SYN2: variants seen among roughly 807,000 people sequenced by gnomAD.
The protein encoded by SYN2 is synapsin-2.
SYN2 carries 19 observed loss-of-function variants against 50.9 expected under a neutral mutation model. The observed-to-expected ratio is 0.37, with a 90% CI of 0.26 to 0.55. SYN2 has a LOEUF of 0.55. Among genes scored for constraint, SYN2 ranks in the 20% least tolerant of loss-of-function variants. The pLI is 0.81. For synonymous variants in SYN2, 255 were observed against 224.9 expected, an observed-to-expected ratio of 1.13 and a Z score of -1.20; for missense variants, 587 against 576.4, an observed-to-expected ratio of 1.02 and a Z score of -0.19.
At chr3:12,103,129 G>A (rs561775014) in intron 1 of SYN2, among the ~76,000 whole-genome samples, 2 of 152,150 alleles carry the variant, frequency 1.3e-5, no homozygotes, top group African/African-American at 2.4e-5. Context: ...GAGAAGTTCT[G>A]TGAACTTCTA....
At chr3:12,053,782 A>G (rs1694925041) in intron 1 of SYN2, among the ~76,000 whole-genome samples, 1 of 152,204 alleles carries the variant, frequency 6.6e-6, no homozygotes, top group African/African-American at 2.4e-5. Flanking sequence ...TGCCTCAAGT[A>G]ATTAACTTAA....
intron 1 of SYN2, among the ~76,000 whole-genome samples, chr3:12,051,942 T>G (rs1464321122): frequency 6.6e-6 from 1 of 152,230 alleles, no homozygotes; most frequent in African/African-American, 2.4e-5. Flanking sequence ...ATTTCCCATG[T>G]GGGCTGTTGC....
intron 5 of SYN2, chr3:12,158,731 G>C (rs147368422): frequency 3.1e-6 from 5 of 1,609,616 alleles, no homozygotes; most frequent in African/African-American, 1.3e-5. Context: ...GTGCTGCTGA[G>C]GGTGCGCCGG....
intron 7 of SYN2, among the ~76,000 whole-genome samples, chr3:12,166,813 G>C (rs996574145): frequency 2.6e-5 from 4 of 152,174 alleles, no homozygotes; most frequent in African/African-American, 9.7e-5. Context: ...ATGGGTAGGC[G>C]TCTGGGAACA....
chr3:12,158,999 GC>G, intron 5 of SYN2: 1 of 1,096,552 alleles, frequency 9.1e-7, no homozygotes, highest in Non-Finnish European at 1.2e-6. Flanking sequence ...TTGGCTCTAG[GC>G]CACCCGCGGA....
chr3:12,140,092 C>T (rs1696979692), intron 1 of SYN2, among the ~76,000 whole-genome samples: 1 of 152,182 alleles, frequency 6.6e-6, no homozygotes, highest in Non-Finnish European at 1.5e-5. Flanking sequence ...TTTCCCGCTA[C>T]CTTCTATTTT....
intron 7 of SYN2, among the ~76,000 whole-genome samples, chr3:12,166,327 TAA>T (rs1344911758): frequency 6.6e-6 from 1 of 152,350 alleles, no homozygotes; most frequent in East Asian, 1.9e-4. Flanking sequence ...GGCTGATAAT[TAA>T]AAAGACATAT....
intron 1 of SYN2, among the ~76,000 whole-genome samples, chr3:12,076,972 C>T (rs1172102344): frequency 6.6e-6 from 1 of 152,096 alleles, no homozygotes; most frequent in Non-Finnish European, 1.5e-5. Context: ...TGAAGGAAGA[C>T]TGAGCCAGCT....
At chr3:12,062,112 C>G (rs2125162985) in intron 1 of SYN2, among the ~76,000 whole-genome samples, 2 of 152,030 alleles carry the variant, frequency 1.3e-5, no homozygotes, top group Middle Eastern at 6.8e-3. Flanking sequence ...AACTTGATTT[C>G]AAGACTTTTT....
At chr3:12,070,320 CT>C in intron 1 of SYN2, 1 of 504,980 alleles carries the variant, frequency 2.0e-6, no homozygotes. Context: ...CCGTGTTCCC[CT>C]CCATCCTTAG....
chr3:12,021,225 G>A (rs1448700265), intron 1 of SYN2, among the ~76,000 whole-genome samples: 1 of 151,994 alleles, frequency 6.6e-6, no homozygotes, highest in Non-Finnish European at 1.5e-5. Flanking sequence ...TCAATTTTCA[G>A]GAGACCAACT....
At chr3:12,129,347 A>G (rs1160047065) in intron 1 of SYN2, among the ~76,000 whole-genome samples, 1 of 152,214 alleles carries the variant, frequency 6.6e-6, no homozygotes, top group Non-Finnish European at 1.5e-5. Flanking sequence ...ATTTAATTCT[A>G]ACAAACTTTG....
At chr3:12,053,171 C>G (rs976873955) in intron 1 of SYN2, among the ~76,000 whole-genome samples, 1 of 152,036 alleles carries the variant, frequency 6.6e-6, no homozygotes, top group Non-Finnish European at 1.5e-5. Flanking sequence ...GCCTGTAATC[C>G]CAGCACTTTG....
At chr3:12,084,075 C>T (rs1695638970) in intron 1 of SYN2, among the ~76,000 whole-genome samples, 1 of 152,150 alleles carries the variant, frequency 6.6e-6, no homozygotes. Context: ...TTAATTAAAA[C>T]TCTTCATTGA....
chr3:12,127,909 A>G (rs76727690), intron 1 of SYN2, among the ~76,000 whole-genome samples: 169 of 152,312 alleles, frequency 1.1e-3, no homozygotes, highest in African/African-American at 3.8e-3. Context: ...GCAAAATGAT[A>G]AAAATAAAAC....
intron 1 of SYN2, among the ~76,000 whole-genome samples, chr3:12,081,159 T>C (rs1365628187): frequency 6.6e-6 from 1 of 152,176 alleles, no homozygotes; most frequent in African/African-American, 2.4e-5. Context: ...GGCATATAAA[T>C]GCATGAAAAA....
intron 1 of SYN2, among the ~76,000 whole-genome samples, chr3:12,117,180 G>A (rs911198816): frequency 6.6e-6 from 1 of 152,138 alleles, no homozygotes; most frequent in African/African-American, 2.4e-5. Flanking sequence ...ACAACCCCAT[G>A]TCCTTTTCCC....
At chr3:12,046,519 A>G (rs1405493854) in intron 1 of SYN2, among the ~76,000 whole-genome samples, 2 of 152,196 alleles carry the variant, frequency 1.3e-5, no homozygotes, top group East Asian at 3.8e-4. Flanking sequence ...AGAAATAGGA[A>G]GCTATCTAAC....
At chr3:12,005,224 G>GT (rs1314087775) in intron 1 of SYN2, among the ~76,000 whole-genome samples, 1 of 152,250 alleles carries the variant, frequency 6.6e-6, no homozygotes, top group African/African-American at 2.4e-5. Flanking sequence ...TTAGGAAATA[G>GT]TTTTTTTGGG....
Sources: allele counts gnomAD v4.1 joint callset (sites outside exome capture counted in the v4.1 genomes callset), GRCh38; gene constraint gnomAD v4.1.1; transcripts MANE v1.5; gene names NCBI Gene and HGNC (gene_info 2026-07-23, HGNC 2026-07-21).